Variants in ATXN10 observed in about 807,000 individuals in gnomAD.
ATXN10 encodes ataxin-10.
In ATXN10, 28 loss-of-function variants were observed where a neutral mutation model predicts 52.9. The observed-to-expected ratio is 0.53, with a 90% CI of 0.39 to 0.73. The LOEUF (loss-of-function observed/expected upper bound fraction) is 0.73, where lower values mean the gene tolerates loss of function less well. Ranked by LOEUF, ATXN10 falls within the 30% of genes least tolerant of loss-of-function variation. The pLI is 0.00. For missense variants in ATXN10, 565 were observed against 577.0 expected (o/e 0.98, Z 0.21); for synonymous variants, 226 against 221.5 (o/e 1.02, Z -0.18).
chr22:45,837,346 G>A lies in ATXN10; in HGVS notation c.1238-5645G>A, dbSNP rs1929200323. The stretch of plus-strand genomic sequence containing the variant: ...GCAATCTCGGCTCACTGCAGCCTCT[G>A]CCTCCCGGGTTTAAGCGATTTCTCC... On this transcript the variant is annotated intron_variant, in intron 10 of 11. Coordinates refer to ENST00000252934, the MANE Select transcript of ATXN10 (RefSeq NM_013236.4). This position sits in a 1 kb window ranked among gnomAD's most constrained non-coding sequence, Gnocchi z 5.8. Among the ~76,000 whole-genome samples the A allele has an allele frequency of 6.6e-6, 1 of 152,106 alleles. No individual in the cohort carries two copies. Among genetic ancestry groups the A allele is most frequent in the South Asian group, 2.1e-4 (1 of 4,826 alleles).
intron 9 of ATXN10, among the ~76,000 whole-genome samples, chr22:45,806,384 T>C (rs907848847): frequency 2.6e-5 from 4 of 152,258 alleles, no homozygotes; most frequent in Non-Finnish European, 4.4e-5. Flanking sequence ...TGTTTTTCTA[T>C]TGTATTGTTG....
At chr22:45,736,545 G>A (rs1773739280) in intron 7 of ATXN10, among the ~76,000 whole-genome samples, 1 of 151,892 alleles carries the variant, frequency 6.6e-6, no homozygotes. Context: ...CCAGTGTATA[G>A]GTTCCCCTTT....
chr22:45,693,909 G>T (rs186125080), intron 3 of ATXN10, among the ~76,000 whole-genome samples: 1 of 152,278 alleles, frequency 6.6e-6, no homozygotes, highest in Non-Finnish European at 1.5e-5. Flanking sequence ...CACCAGAACT[G>T]TGTAAAAATA....
intron 9 of ATXN10, among the ~76,000 whole-genome samples, chr22:45,752,996 A>G (rs1311233470): frequency 1.3e-5 from 2 of 152,022 alleles, no homozygotes; most frequent in African/African-American, 4.8e-5. Flanking sequence ...GGCCTCCCAA[A>G]GTGCTGGGAT....
chr22:45,792,652 T>C (rs1927555398), intron 9 of ATXN10: 1 of 257,982 alleles, frequency 3.9e-6, no homozygotes, highest in African/African-American at 2.2e-5. Flanking sequence ...GCAAGTTCCC[T>C]AAAGTCCCTG....
rs1924951117 is a variant in ATXN10, at chr22:45,728,124, C to G, written c.729-1301C>G. ...ACTGAGATGTGAGGTACTATCCCAG[C>G]CATCATGTTGATTGTTACCTGGATA... On this transcript the variant is annotated intron_variant, in intron 6 of 11. Transcript: ENST00000252934. The surrounding 1 kb of genome is among the most constrained non-coding windows in gnomAD (Gnocchi z 4.3). Among the ~76,000 whole-genome samples, 1 of 152,030 alleles carries G rather than the reference C, an allele frequency of 6.6e-6. No individual in the cohort carries two copies. Among genetic ancestry groups the G allele is most frequent in the South Asian group, 2.1e-4 (1 of 4,812 alleles).
At position 45,769,712 on chromosome 22, in the gene ATXN10, C is replaced by A. The variant is rs1926709578; in HGVS notation, c.1173+29174C>A. ...AAGCCAGCCTTGGGCATCTTCCTGG[C>A]CAGGAGCCAGGCCTCTTTTCTCTTG... On this transcript the variant is annotated intron_variant, in intron 9 of 11. Transcript: ENST00000252934. The surrounding 1 kb of genome is among the most constrained non-coding windows in gnomAD (Gnocchi z 4.2). Among the ~76,000 whole-genome samples, 1 of 152,090 alleles carries A rather than the reference C, an allele frequency of 6.6e-6. No homozygotes were observed. Among genetic ancestry groups the A allele is most frequent in the African/African-American group, 2.4e-5 (1 of 41,414 alleles).
At position 45,744,506 on chromosome 22, in the gene ATXN10, A is replaced by G. The variant is rs1410078458; in HGVS notation, c.1173+3968A>G. The G allele has an allele frequency of 6.6e-6, 1 of 152,192 alleles. No individual in the cohort carries two copies. Among genetic ancestry groups the G allele is most frequent in the Middle Eastern group, 3.2e-3 (1 of 316 alleles). 9.4% of individuals were successfully genotyped at this position (152,192 alleles called of 1,614,324 possible). ...CCATCATTTTCTAAATGAAGAAACCAAGGCCCCGAGACCAAGTGTGATTTA... is the reference window on the plus strand; with the variant it reads ...CCATCATTTTCTAAATGAAGAAACCGAGGCCCCGAGACCAAGTGTGATTTA... On this transcript the variant is annotated intron_variant, in intron 9 of 11. Coordinates refer to ENST00000252934, the MANE Select transcript of ATXN10 (RefSeq NM_013236.4). This position sits in a 1 kb window ranked among gnomAD's most constrained non-coding sequence, Gnocchi z 4.9.
intron 9 of ATXN10, among the ~76,000 whole-genome samples, chr22:45,760,299 T>C (rs1926337415): frequency 6.6e-6 from 1 of 152,140 alleles, no homozygotes; most frequent in Admixed American, 6.5e-5. Flanking sequence ...TGGGACTCTG[T>C]GTATGTCCAG....
rs1379092300 is a variant in ATXN10, at chr22:45,701,017, G to C, written c.488+639G>C. 6.6e-6 allele frequency among the ~76,000 whole-genome samples: 1 copy of C among 152,140 alleles called. No individual in the cohort carries two copies. Among genetic ancestry groups the C allele is most frequent in the South Asian group, 2.1e-4 (1 of 4,826 alleles). ...CTGTTCATAAGAAATTGAGCATTGA[G>C]GTAAAAGGTGAGCAGGGAATAGAGT... On this transcript the variant is annotated intron_variant, in intron 4 of 11. Transcript: ENST00000252934. The surrounding 1 kb of genome is among the most constrained non-coding windows in gnomAD (Gnocchi z 4.2).
At chr22:45,834,849 G>A (rs1185425212) in intron 10 of ATXN10, among the ~76,000 whole-genome samples, 1 of 152,174 alleles carries the variant, frequency 6.6e-6, no homozygotes, top group Non-Finnish European at 1.5e-5. Context: ...GCATACAGTG[G>A]CTCCTTCCGA....
intron 3 of ATXN10, among the ~76,000 whole-genome samples, chr22:45,698,349 C>T (rs542944142): frequency 6.6e-6 from 1 of 152,224 alleles, no homozygotes; most frequent in South Asian, 2.1e-4. Flanking sequence ...GGGGGTACTT[C>T]ATTGTGGTTT....
rs959115160 is a variant in ATXN10 at position 45,696,098 on chromosome 22, A to C, written c.391+3020A>C. ...CATGTTTTTTTGAGCATCAGTTTTT[A>C]AAATAATCTCAAGAAATTGAAAGGA... On this transcript the variant is annotated intron_variant, in intron 3 of 11. Transcript: ENST00000252934. This position sits in a 1 kb window ranked among gnomAD's most constrained non-coding sequence, Gnocchi z 4.7. Among the ~76,000 whole-genome samples the C allele has an allele frequency of 6.6e-6, 1 of 152,206 alleles. No homozygotes were observed. The highest frequency in any genetic ancestry group is 1.5e-5 in the Non-Finnish European group (1 of 68,036).
In ATXN10 at chr22:45,763,245, G is replaced by C. The variant is rs1225804185; in HGVS notation, c.1173+22707G>C. On this transcript the variant is annotated intron_variant, in intron 9 of 11. Transcript: ENST00000252934. The surrounding 1 kb of genome is among the most constrained non-coding windows in gnomAD (Gnocchi z 6.9). The stretch of plus-strand genomic sequence containing the variant: ...GGGAGAATCTGGAGAGCTGGAGAGA[G>C]TGAGGTGGTGAGGTGGGCCTGGCGT... Among the ~76,000 whole-genome samples the C allele has an allele frequency of 6.6e-6, 1 of 152,186 alleles. No individual in the cohort carries two copies. Among genetic ancestry groups the C allele is most frequent in the African/African-American group, 2.4e-5 (1 of 41,452 alleles).
At chr22:45,832,468 C>T (rs1929025551) in intron 10 of ATXN10, among the ~76,000 whole-genome samples, 1 of 152,228 alleles carries the variant, frequency 6.6e-6, no homozygotes, top group African/African-American at 2.4e-5. Flanking sequence ...TAACTCCCCT[C>T]TTTCCCCAAG....
rs956582299 is a variant in ATXN10, at chr22:45,822,401, A to G, written c.1237+15379A>G. On this transcript the variant is annotated intron_variant, in intron 10 of 11. Coordinates refer to ENST00000252934, the MANE Select transcript of ATXN10 (RefSeq NM_013236.4). ...TTCAGAGTAGTGGTACCTGTTTTCC[A>G]TCAGCAGTATATGAAAGCTCCTTTC... 3.3e-5 allele frequency among the ~76,000 whole-genome samples: 5 copies of G among 152,110 alleles called. No homozygotes were observed. The East Asian group carries it at 7.7e-4, about 23-fold the overall frequency.
At chr22:45,788,164 C>T (rs1472829013) in intron 9 of ATXN10, among the ~76,000 whole-genome samples, 1 of 152,064 alleles carries the variant, frequency 6.6e-6, no homozygotes, top group Non-Finnish European at 1.5e-5. Context: ...AGACATGTCC[C>T]TGGGGCTCCA....
At position 45,683,374 on chromosome 22, in the gene ATXN10, C is replaced by A. The variant is rs1923005949; in HGVS notation, c.117-6338C>A. Among the ~76,000 whole-genome samples the A allele has an allele frequency of 6.6e-6, 1 of 152,274 alleles. No individual in the cohort carries two copies. The highest frequency in any genetic ancestry group is 2.4e-5 in the African/African-American group (1 of 41,564). ...GGCTTCACATCAGGATAAAAGCCAG[C>A]GTCCTTCCGTGGCCTACTGTGCCTG... On this transcript the variant is annotated intron_variant, in intron 1 of 11. Coordinates refer to ENST00000252934, the MANE Select transcript of ATXN10 (RefSeq NM_013236.4). The surrounding 1 kb of genome is among the most constrained non-coding windows in gnomAD (Gnocchi z 4.8).
intron 8 of ATXN10, 72 bp from the exon 9 acceptor site, chr22:45,740,297 T>A: frequency 6.9e-7 from 1 of 1,452,812 alleles, no homozygotes; most frequent in Non-Finnish European, 9.7e-7. Flanking sequence ...GATTTGTCTA[T>A]GGAAAACTAT....
Sources: allele counts gnomAD v4.1 joint callset (sites outside exome capture counted in the v4.1 genomes callset), GRCh38; gene constraint gnomAD v4.1.1; non-coding constraint Gnocchi (gnomAD v3.1); transcripts MANE v1.5; gene names NCBI Gene and HGNC (gene_info 2026-07-23, HGNC 2026-07-21).